The following BLOC1S5 variants were observed in gnomAD, a reference collection of about 807,000 sequenced individuals.
The protein encoded by BLOC1S5 is biogenesis of lysosomal organelles complex 1 subunit 5.
A neutral mutation model predicts 24.3 loss-of-function variants in BLOC1S5; 27 were observed. The observed-to-expected ratio is 1.11, with a 90% CI of 0.82 to 1.53. The LOEUF (loss-of-function observed/expected upper bound fraction) is 1.53, where lower values mean the gene tolerates loss of function less well. Ranked by LOEUF, BLOC1S5 falls within the 40% of genes most tolerant of loss-of-function variation. The pLI is 0.00. For missense variants in BLOC1S5, 239 were observed against 229.4 expected (o/e 1.04, Z -0.27); for synonymous variants, 84 against 74.5 (o/e 1.13, Z -0.66).
rs1403752338 is a variant in BLOC1S5 at position 8,054,066 on chromosome 6, T to A, written c.195+8468A>T. 2.0e-5 allele frequency among the ~76,000 whole-genome samples: 3 copies of A among 152,234 alleles called. No individual in the cohort carries two copies. In the South Asian group the frequency reaches 6.2e-4, roughly 31 times the overall value. On this transcript the variant is annotated intron_variant, in intron 2 of 4. Coordinates refer to ENST00000397457, the MANE Select transcript of BLOC1S5 (RefSeq NM_201280.3). Reference sequence around the variant, plus strand: ...GACACCCAACCTACACTTTATATGATAACTTTGTATATAACACCTTCACTT... The same window carrying A: ...GACACCCAACCTACACTTTATATGAAAACTTTGTATATAACACCTTCACTT...
upstream of BLOC1S5, chr6:8,064,404 A>G (rs373487226): frequency 1.8e-5 from 29 of 1,585,908 alleles, no homozygotes; most frequent in African/African-American, 2.6e-4. Flanking sequence ...ACCCGCGGCC[A>G]CGCTGCGCCT....
Position 8,016,163 on chromosome 6 carries a change from TA to T in BLOC1S5, c.385-336del, listed in dbSNP as rs778797859. Among the ~76,000 whole-genome samples the T allele has an allele frequency of 5.9e-5, 9 of 152,190 alleles. No individual in the cohort carries two copies. The East Asian group carries it at 1.7e-3, about 29-fold the overall frequency. On this transcript the variant is annotated intron_variant, in intron 4 of 4. Transcript: ENST00000397457. ...CAACATGGCAAAACTCCGTCTCTAC[TA>T]AAAATACAAAAATTAGCTGGGCGTG...
At chr6:8,021,897 GA>G (rs1762927033) in intron 4 of BLOC1S5, among the ~76,000 whole-genome samples, 1 of 151,984 alleles carries the variant, frequency 6.6e-6, no homozygotes, top group African/African-American at 2.4e-5. Context: ...CAAAAGTAAT[GA>G]ACTATAATGG....
At chr6:8,036,697 A>C (rs1763500877) in intron 3 of BLOC1S5, among the ~76,000 whole-genome samples, 1 of 152,160 alleles carries the variant, frequency 6.6e-6, no homozygotes, top group Non-Finnish European at 1.5e-5. Flanking sequence ...CAATATCAAA[A>C]TCAGACAAAG....
At chr6:8,064,212 G>C (rs1483384629) in intron 1 of BLOC1S5, 53 bp downstream of exon 1, 47 of 1,471,798 alleles carry the variant, frequency 3.2e-5, no homozygotes, top group Admixed American at 1.4e-4. Flanking sequence ...CGCCGCCTGG[G>C]AGATGAGGCT....
At chr6:8,026,273 G>A (rs1233137808) in intron 4 of BLOC1S5, 94 bp downstream of exon 4, 3 of 988,410 alleles carry the variant, frequency 3.0e-6, no homozygotes, top group Non-Finnish European at 4.7e-6. Flanking sequence ...AAAACTCACT[G>A]CATTCAGAGA....
intron 3 of BLOC1S5, among the ~76,000 whole-genome samples, chr6:8,030,656 G>T (rs936096841): frequency 3.3e-5 from 5 of 150,556 alleles, no homozygotes; most frequent in African/African-American, 1.2e-4. Context: ...TGGATCACTT[G>T]ACGTCAGGAG....
At chr6:8,021,327 G>A (rs762651101) in intron 4 of BLOC1S5, among the ~76,000 whole-genome samples, 14 of 152,190 alleles carry the variant, frequency 9.2e-5, no homozygotes, top group Non-Finnish European at 1.3e-4. Flanking sequence ...GGCCGGGTGC[G>A]GTGGCTCACG....
At chr6:8,023,270 T>C (rs759224779) in intron 4 of BLOC1S5, among the ~76,000 whole-genome samples, 3 of 152,232 alleles carry the variant, frequency 2.0e-5, no homozygotes, top group Non-Finnish European at 4.4e-5. Flanking sequence ...TTTATTGTTC[T>C]TCTGAATGTA....
intron 2 of BLOC1S5, among the ~76,000 whole-genome samples, chr6:8,057,921 C>G (rs111894848): frequency 0.024 from 3,586 of 152,218 alleles, 142 homozygotes; most frequent in African/African-American, 0.08. Flanking sequence ...AGTTGTTTCT[C>G]GAGTTGTTTC....
chr6:8,022,063 A>G (rs796966869), intron 4 of BLOC1S5, among the ~76,000 whole-genome samples: 17 of 152,224 alleles, frequency 1.1e-4, no homozygotes, highest in African/African-American at 3.6e-4. Context: ...AATCCTGAAG[A>G]TCGGCATCTA....
intron 2 of BLOC1S5, among the ~76,000 whole-genome samples, chr6:8,042,275 T>C (rs1283425985): frequency 6.6e-6 from 1 of 152,254 alleles, no homozygotes; most frequent in East Asian, 1.9e-4. Context: ...TCTGTTATTA[T>C]GTGCTATATT....
chr6:8,019,264 TCTTA>T (rs1250126618), intron 4 of BLOC1S5, among the ~76,000 whole-genome samples: 1 of 136,656 alleles, frequency 7.3e-6, no homozygotes, highest in Non-Finnish European at 1.5e-5. Flanking sequence ...TGCTAGGCAT[TCTTA>T]CTTTTTTTTT....
intron 3 of BLOC1S5, among the ~76,000 whole-genome samples, chr6:8,037,672 T>G (rs1763532552): frequency 6.6e-6 from 1 of 152,164 alleles, no homozygotes; most frequent in Non-Finnish European, 1.5e-5. Flanking sequence ...AAAGCAATTT[T>G]GAGCAAAAAG....
At chr6:8,026,712 C>A (rs541045622) in intron 3 of BLOC1S5, among the ~76,000 whole-genome samples, 1 of 152,178 alleles carries the variant, frequency 6.6e-6, no homozygotes, top group South Asian at 2.1e-4. Context: ...ACAGCTCTCT[C>A]ACTGCAGTAC....
At chr6:8,050,380 C>A (rs1452245659) in intron 2 of BLOC1S5, among the ~76,000 whole-genome samples, 2 of 152,122 alleles carry the variant, frequency 1.3e-5, no homozygotes, top group African/African-American at 4.8e-5. Flanking sequence ...CTTTCCCTCT[C>A]CTTGGGCCTC....
intron 2 of BLOC1S5, among the ~76,000 whole-genome samples, chr6:8,052,891 C>CT (rs1322120485): frequency 7.3e-4 from 98 of 135,128 alleles, no homozygotes; most frequent in African/African-American, 2.8e-3. Context: ...GAGCGAGACT[C>CT]TGTCAAAAAA....
intron 1 of BLOC1S5, among the ~76,000 whole-genome samples, chr6:8,063,812 A>G (rs1188314556): frequency 1.3e-5 from 2 of 152,270 alleles, no homozygotes; most frequent in East Asian, 3.9e-4. Flanking sequence ...AGTGCTATAG[A>G]GCGCCTTCGT....
intron 1 of BLOC1S5, 83 bp downstream of exon 1, chr6:8,064,182 G>A: frequency 3.4e-6 from 4 of 1,186,864 alleles, no homozygotes; most frequent in Non-Finnish European, 4.6e-6. Context: ...GGGACCCGGG[G>A]GTCGGCCCGG....
Sources: gnomAD v4.1 joint callset for allele counts (sites outside exome capture counted in the v4.1 genomes callset) on GRCh38, gnomAD v4.1.1 for gene constraint, MANE v1.5 for transcripts, NCBI Gene and HGNC (gene_info 2026-07-23, HGNC 2026-07-21) for gene names.